The following ANKDD1B variants were observed in gnomAD, a reference collection of about 807,000 sequenced individuals.
ANKDD1B encodes the protein ankyrin repeat and death domain-containing protein 1B.
ANKDD1B carries 57 observed loss-of-function variants against 59.7 expected under a neutral mutation model. The ratio of observed to expected loss-of-function variants is 0.95; its 90% CI spans 0.77 to 1.19. The LOEUF is 1.19. Ranked by LOEUF, ANKDD1B falls within the 50% of genes most tolerant of loss-of-function variation. ANKDD1B has a pLI of 0.00. For synonymous variants in ANKDD1B, 216 were observed against 239.5 expected (o/e 0.90, Z 0.91); for missense variants, 602 against 641.9 (o/e 0.94, Z 0.67).
Position 75,635,850 on chromosome 5 carries a change from GC to G in ANKDD1B, c.769del (p.Gln257SerfsTer5). ...CAGTCCTGCAGTGCAGGTGCTGCTA[GC>G]CCAGTGGCAAGACATAAATGAGATG... ...GHSPAVQVLL[A>X]QWQDINEMNE... On this transcript the variant is annotated frameshift_variant, in exon 7 of 14. Transcript: ENST00000601380. LOFTEE classifies it high-confidence loss of function. The G allele has an allele frequency of 6.5e-7, 1 of 1,533,342 alleles. No homozygotes were observed. The highest frequency in any genetic ancestry group is 8.7e-7 in the Non-Finnish European group (1 of 1,145,348). 95.0% of individuals were successfully genotyped at this position (1,533,342 alleles called of 1,614,324 possible).
At chr5:75,628,453 CTA>C (rs1158140288) in intron 5 of ANKDD1B, among the ~76,000 whole-genome samples, 1 of 152,178 alleles carries the variant, frequency 6.6e-6, no homozygotes, top group African/African-American at 2.4e-5. Context: ...AGCTCAGGGT[CTA>C]TTGATTTACT....
chr5:75,669,343 G>A lies in ANKDD1B; in HGVS notation c.1485G>A (p.Leu495=), dbSNP rs1579985448. The change falls in exon 13 of 14, where the codon CTG becomes CTA. Residue 495 remains leucine (L), a synonymous_variant. Coordinates refer to ENST00000601380, the MANE Select transcript of ANKDD1B (RefSeq NM_001276713.2). The part of the protein sequence containing the change: ...LMTQGDPAKQ[L]YEELVHAGFP... ...CTCAGGGTGACCCGGCCAAGCAACT[G>A]TATGAAGAGCTGGTACACGCAGGTT... 3.2e-6 allele frequency: 4 copies of A among 1,232,162 alleles called. No homozygotes were observed. In the East Asian group the frequency reaches 1.3e-4, roughly 39 times the overall value. 76.3% of individuals were successfully genotyped at this position (1,232,162 alleles called of 1,614,324 possible).
intron 7 of ANKDD1B, among the ~76,000 whole-genome samples, chr5:75,637,803 A>G (rs752959339): frequency 1.4e-4 from 21 of 151,872 alleles, no homozygotes; most frequent in Non-Finnish European, 2.1e-4. Flanking sequence ...TCTTTTTCTT[A>G]CTTTCTTTTT....
intron 6 of ANKDD1B, 61 bp downstream of exon 6, chr5:75,635,057 G>C: frequency 4.5e-6 from 5 of 1,101,680 alleles, no homozygotes; most frequent in Non-Finnish European, 6.6e-6. Context: ...AATTGATGTA[G>C]AGGGGTAACA....
intron 6 of ANKDD1B, chr5:75,635,412 T>A (rs1002358214): frequency 4.6e-5 from 9 of 197,352 alleles, no homozygotes; most frequent in Non-Finnish European, 7.2e-5. Flanking sequence ...GGTCAAAGGC[T>A]TCTGCACATT....
At chr5:75,657,297 C>A (rs1775002586) in intron 9 of ANKDD1B, among the ~76,000 whole-genome samples, 1 of 151,118 alleles carries the variant, frequency 6.6e-6, no homozygotes, top group African/African-American at 2.4e-5. Context: ...TTTTATTAGA[C>A]CAAGAATACA....
At chr5:75,659,843 A>G (rs909664712) in intron 10 of ANKDD1B, among the ~76,000 whole-genome samples, 3 of 152,138 alleles carry the variant, frequency 2.0e-5, no homozygotes, top group Admixed American at 2.0e-4. Flanking sequence ...CACTGATGGC[A>G]TACCTATAAC....
At chr5:75,669,948 C>G (rs758739171) in intron 13 of ANKDD1B, among the ~76,000 whole-genome samples, 6 of 152,202 alleles carry the variant, frequency 3.9e-5, no homozygotes, top group Non-Finnish European at 8.8e-5. Flanking sequence ...TGTTGTAGCT[C>G]TCATGTAATA....
intron 7 of ANKDD1B, among the ~76,000 whole-genome samples, chr5:75,648,270 A>AAAAAAAAAAAAT (rs1554068887): frequency 3.4e-5 from 3 of 88,110 alleles, no homozygotes; most frequent in African/African-American, 8.0e-5. Context: ...AAAAAATTAA[A>AAAAAAAAAAAAT]AAAAAAAAAA....
At chr5:75,660,791 C>T (rs910095831) in intron 10 of ANKDD1B, among the ~76,000 whole-genome samples, 2 of 152,190 alleles carry the variant, frequency 1.3e-5, no homozygotes, top group African/African-American at 4.8e-5. Flanking sequence ...CATTGGGTCA[C>T]ACGCATAGTA....
intron 1 of ANKDD1B, among the ~76,000 whole-genome samples, chr5:75,612,335 G>GCCCCCGCCCTCCGCCCCCCGCC (rs1554066249): frequency 3.2e-5 from 1 of 30,948 alleles, no homozygotes; most frequent in African/African-American, 1.3e-4. Context: ...CCCGCCCTCC[G>GCCCCCGCCCTCCGCCCCCCGCC]CCCCGCCCCC....
intron 3 of ANKDD1B, among the ~76,000 whole-genome samples, chr5:75,623,393 G>T (rs1305265000): frequency 1.3e-5 from 2 of 152,104 alleles, no homozygotes. Context: ...AGCAGATTTA[G>T]TATTACTAAA....
chr5:75,628,476 C>T (rs920194902), intron 5 of ANKDD1B, among the ~76,000 whole-genome samples: 1 of 152,166 alleles, frequency 6.6e-6, no homozygotes, highest in Non-Finnish European at 1.5e-5. Flanking sequence ...GCTGGGTTTC[C>T]CATTTGCATC....
chr5:75,651,760 T>C (rs1033258206), intron 7 of ANKDD1B, among the ~76,000 whole-genome samples: 1 of 152,210 alleles, frequency 6.6e-6, no homozygotes, highest in Non-Finnish European at 1.5e-5. Flanking sequence ...AGGCATAGTG[T>C]CTTAGTCAGC....
intron 11 of ANKDD1B, among the ~76,000 whole-genome samples, chr5:75,663,719 G>C (rs1017744098): frequency 6.6e-6 from 1 of 152,246 alleles, no homozygotes; most frequent in Non-Finnish European, 1.5e-5. Flanking sequence ...GTTCACTAGG[G>C]CCAAGCGGCA....
chr5:75,643,742 G>T lies in ANKDD1B; in HGVS notation c.798+7860G>T, dbSNP rs1774553439. ...CCAACGTTCAGATTCAGGAAATACAGATAACACCACAAAGATACTCCTCGA... is the reference window on the plus strand; with the variant it reads ...CCAACGTTCAGATTCAGGAAATACATATAACACCACAAAGATACTCCTCGA... On this transcript the variant is annotated intron_variant, in intron 7 of 13. Transcript: ENST00000601380. Among the ~76,000 whole-genome samples, 2 of 34,464 alleles carry T rather than the reference G, an allele frequency of 5.8e-5. 1 individual carries two copies. The highest frequency in any genetic ancestry group is 1.6e-3 in the South Asian group (2 of 1,224). The allele number at this position is 34,464 out of a possible 152,430, so 22.6% of individuals were successfully genotyped here.
At chr5:75,634,263 T>TA (rs35175160) in intron 5 of ANKDD1B, among the ~76,000 whole-genome samples, 1 of 152,194 alleles carries the variant, frequency 6.6e-6, no homozygotes, top group African/African-American at 2.4e-5. Flanking sequence ...GCTTATCTTC[T>TA]AAAAAAATCA....
chr5:75,615,231 C>G (rs931832756), intron 1 of ANKDD1B, among the ~76,000 whole-genome samples: 3 of 152,086 alleles, frequency 2.0e-5, no homozygotes, highest in African/African-American at 7.2e-5. Flanking sequence ...GAATAGGATT[C>G]TGGAAGTCAA....
intron 10 of ANKDD1B, among the ~76,000 whole-genome samples, chr5:75,663,057 T>C (rs1196371457): frequency 6.6e-6 from 1 of 152,134 alleles, no homozygotes; most frequent in East Asian, 1.9e-4. Context: ...ATGCCATTCA[T>C]CTCTCTTCTG....
Sources: gnomAD v4.1 joint callset for allele counts (sites outside exome capture counted in the v4.1 genomes callset) on GRCh38, gnomAD v4.1.1 for gene constraint, MANE v1.5 for transcripts, NCBI Gene and HGNC (gene_info 2026-07-23, HGNC 2026-07-21) for gene names.